Variants in PDE1A observed in about 807,000 individuals in gnomAD.
PDE1A encodes the protein dual specificity calcium/calmodulin-dependent 3',5'-cyclic nucleotide phosphodiesterase 1A.
Under a neutral mutation model 61.7 loss-of-function variants are expected in PDE1A, and 35 were observed. The observed-to-expected ratio is 0.57, with a 90% CI of 0.43 to 0.75. The LOEUF is 0.75. Among genes scored for constraint, PDE1A ranks in the 30% least tolerant of loss-of-function variants. PDE1A has a pLI of 0.00. For missense variants in PDE1A, 597 were observed against 630.6 expected (o/e 0.95, Z 0.57); for synonymous variants, 232 against 213.2 (o/e 1.09, Z -0.77).
chr2:182,445,365 G>C (rs139924817), intron 2 of PDE1A, among the ~76,000 whole-genome samples: 2 of 152,068 alleles, frequency 1.3e-5, no homozygotes, highest in African/African-American at 4.8e-5. Flanking sequence ...TTTATGCCTT[G>C]AGCTATCGCC....
exon 9 of PDE1A, chr2:182,201,705 A>G: frequency 1.2e-6 from 2 of 1,606,446 alleles, no homozygotes; most frequent in Non-Finnish European, 1.7e-6. Context: ...GCTGCTGCAA[A>G]CTGTTTCTTA....
chr2:182,231,559 T>A (rs1689581617), intron 4 of PDE1A, among the ~76,000 whole-genome samples: 1 of 146,360 alleles, frequency 6.8e-6, no homozygotes, highest in African/African-American at 2.6e-5. Context: ...GCTACATTGC[T>A]TGAAATTTCA....
chr2:182,578,083 T>C, the PDE1A span, among the ~76,000 whole-genome samples: 3 of 152,096 alleles, frequency 2.0e-5, no homozygotes, highest in African/African-American at 7.2e-5. Flanking sequence ...GAAAGAAGGC[T>C]TTTCTTTTTC....
chr2:182,522,460 C>G (rs1690628995), intron 1 of PDE1A: 1 of 1,591,196 alleles, frequency 6.3e-7, no homozygotes, highest in Non-Finnish European at 8.6e-7. Context: ...ATCTTACACA[C>G]TTATACAGTA....
At chr2:182,598,521 G>A in the PDE1A span, among the ~76,000 whole-genome samples, 1 of 150,776 alleles carries the variant, frequency 6.6e-6, no homozygotes, top group African/African-American at 2.4e-5. Flanking sequence ...GCAGTGAGCT[G>A]CAACGCACTC....
chr2:182,263,121 T>C (rs1268833878), intron 2 of PDE1A, among the ~76,000 whole-genome samples: 2 of 152,114 alleles, frequency 1.3e-5, no homozygotes, highest in Admixed American at 6.6e-5. Context: ...TCCTGCTGAG[T>C]GGAAGGGGCC....
At chr2:182,160,378 A>C (rs1395303701) in intron 13 of PDE1A, among the ~76,000 whole-genome samples, 1 of 152,138 alleles carries the variant, frequency 6.6e-6, no homozygotes, top group Non-Finnish European at 1.5e-5. Flanking sequence ...GCCACCCTCA[A>C]TGTGGGCAGG....
the PDE1A span, among the ~76,000 whole-genome samples, chr2:182,709,878 C>T: frequency 5.3e-5 from 8 of 152,126 alleles, no homozygotes; most frequent in Non-Finnish European, 1.0e-4. Flanking sequence ...ATCGTACCTA[C>T]TGCCTTCTCT....
the PDE1A span, among the ~76,000 whole-genome samples, chr2:182,610,619 GAA>G: frequency 1.3e-5 from 2 of 151,870 alleles, no homozygotes; most frequent in African/African-American, 4.8e-5. Flanking sequence ...TAAAACAGTT[GAA>G]AATCTTTTAT....
the PDE1A span, among the ~76,000 whole-genome samples, chr2:182,608,572 T>C: frequency 1.3e-5 from 2 of 152,174 alleles, no homozygotes; most frequent in African/African-American, 2.4e-5. Context: ...CACCTGGCAG[T>C]GAGGGGCTTA....
chr2:182,558,233 T>C, the PDE1A span, among the ~76,000 whole-genome samples: 2 of 148,614 alleles, frequency 1.3e-5, no homozygotes, highest in African/African-American at 4.9e-5. Context: ...TTGACAACTC[T>C]TTTTTTTTTA....
chr2:182,500,414 A>C (rs1036770667), intron 2 of PDE1A, among the ~76,000 whole-genome samples: 4 of 152,322 alleles, frequency 2.6e-5, no homozygotes, highest in Admixed American at 2.6e-4. Context: ...AAATAGATAA[A>C]TCAAAAAACA....
At chr2:182,680,542 A>AT in the PDE1A span, among the ~76,000 whole-genome samples, 2 of 152,162 alleles carry the variant, frequency 1.3e-5, no homozygotes, top group Admixed American at 1.3e-4. Context: ...CATAGATACT[A>AT]TTTTTTAAAT....
chr2:182,321,735 A>C (rs1696706883), intron 1 of PDE1A, among the ~76,000 whole-genome samples: 1 of 152,102 alleles, frequency 6.6e-6, no homozygotes, highest in African/African-American at 2.4e-5. Flanking sequence ...ATTCTTTGAC[A>C]CTCACCTAGA....
the PDE1A span, among the ~76,000 whole-genome samples, chr2:182,644,263 C>CTGTGTGTGTGTGTGTGTGTGTGTG: frequency 9.9e-4 from 122 of 123,126 alleles, no homozygotes; most frequent in African/African-American, 3.2e-3. Context: ...TCTTAAGACT[C>CTGTGTGTGTGTGTGTGTGTGTGTG]TGTGTGTGTG....
the PDE1A span, among the ~76,000 whole-genome samples, chr2:182,608,170 G>T: frequency 6.6e-6 from 1 of 152,208 alleles, no homozygotes; most frequent in Non-Finnish European, 1.5e-5. Flanking sequence ...TCTCCAAGAG[G>T]GGTGGGGGTT....
At chr2:182,287,629 G>C (rs551046946) in intron 1 of PDE1A, among the ~76,000 whole-genome samples, 1 of 152,224 alleles carries the variant, frequency 6.6e-6, no homozygotes, top group African/African-American at 2.4e-5. Flanking sequence ...ACTCTACTGA[G>C]CTGAAAAAGA....
intron 2 of PDE1A, among the ~76,000 whole-genome samples, chr2:182,500,654 T>C (rs1689031589): frequency 6.6e-6 from 1 of 152,166 alleles, no homozygotes; most frequent in African/African-American, 2.4e-5. Flanking sequence ...CTTCAAAAGA[T>C]TTTTTTAAAT....
In PDE1A at chr2:182,151,021, A is replaced by G. The variant is rs181418780; in HGVS notation, c.1517-3869T>C. On this transcript the variant is annotated intron_variant, in intron 13 of 13. Transcript: ENST00000409365. ...TAATAATCAATACTTTGTGAACACC[A>G]ACTAGGTGGCAGACACTATTCTAAG... 6.4e-4 allele frequency among the ~76,000 whole-genome samples: 97 copies of G among 152,338 alleles called. 1 individual carries two copies. The highest frequency in any genetic ancestry group is 2.2e-3 in the African/African-American group (91 of 41,576).
Sources: allele counts gnomAD v4.1 joint callset (sites outside exome capture counted in the v4.1 genomes callset), GRCh38; gene constraint gnomAD v4.1.1; transcripts MANE v1.5; gene names NCBI Gene and HGNC (gene_info 2026-07-23, HGNC 2026-07-21).